Variants in BTBD8 observed in about 807,000 individuals in gnomAD.
The protein encoded by BTBD8 is BTB/POZ domain-containing protein 8.
Under a neutral mutation model 162.9 loss-of-function variants are expected in BTBD8, and 110 were observed. The observed-to-expected ratio is 0.68, with a 90% confidence interval of 0.58 to 0.79. BTBD8 has a LOEUF of 0.79. Ranked by LOEUF, BTBD8 falls within the 30% of genes least tolerant of loss-of-function variation. The pLI, the probability that BTBD8 is intolerant of heterozygous loss-of-function variation, is 0.00. For missense variants in BTBD8, 1,905 were observed against 2,085.4 expected, an observed-to-expected ratio of 0.91 and a Z score of 1.68; for synonymous variants, 667 against 716.1, an observed-to-expected ratio of 0.93 and a Z score of 1.10.
intron 4 of BTBD8, among the ~76,000 whole-genome samples, chr1:92,123,131 G>A (rs1192947611): frequency 6.6e-6 from 1 of 151,872 alleles, no homozygotes; most frequent in African/African-American, 2.4e-5. Flanking sequence ...TTATCTTAAC[G>A]CCCTCATGAA....
At chr1:92,083,106 A>T (rs969744327) in intron 1 of BTBD8, among the ~76,000 whole-genome samples, 3 of 151,522 alleles carry the variant, frequency 2.0e-5, no homozygotes, top group Non-Finnish European at 4.4e-5. Context: ...ACTGCCCTCC[A>T]GTCTGGGCGT....
At chr1:92,173,838 T>C (rs1212727604) in intron 13 of BTBD8, among the ~76,000 whole-genome samples, 1 of 152,220 alleles carries the variant, frequency 6.6e-6, no homozygotes, top group East Asian at 1.9e-4. Flanking sequence ...TAGTAAGTGC[T>C]CAATAAATGT....
At chr1:92,143,088 G>C (rs147823147) in intron 7 of BTBD8, among the ~76,000 whole-genome samples, 1 of 152,158 alleles carries the variant, frequency 6.6e-6, no homozygotes, top group African/African-American at 2.4e-5. Flanking sequence ...AATAACAATA[G>C]TATCCAGAAA....
At position 92,134,017 on chromosome 1, in the gene BTBD8, A is replaced by G. The variant is rs183568980; in HGVS notation, c.752+4241A>G. ...GATCCTAGTTCCATCCATGCCCCAG[A>G]GTTGGGGAGTGGAAGGATATAGTTG... is the stretch of plus-strand genomic sequence containing the variant. On this transcript the variant is annotated intron_variant, in intron 5 of 17. Transcript: ENST00000636805. Among the ~76,000 whole-genome samples, 19 of 152,132 alleles carry G rather than the reference A, an allele frequency of 1.2e-4. No individual in the cohort carries two copies. In the East Asian group the frequency reaches 3.1e-3, roughly 25 times the overall value.
chr1:92,184,151 C>G lies in BTBD8; in HGVS notation c.5200C>G (p.Leu1734Val). 1 of 1,551,626 alleles carries G rather than the reference C, an allele frequency of 6.4e-7. No individual in the cohort carries two copies. Among genetic ancestry groups the G allele is most frequent in the South Asian group, 1.2e-5 (1 of 84,060 alleles). Residue 1734 changes from leucine (L) to valine (V), a missense_variant, in exon 18 of 18, where the codon CTT (leucine) becomes GTT (valine). Around this residue, in one of 3 missense-constraint regions of BTBD8, gnomAD observed 517 missense variants for 606.6 expected, o/e 0.85. Transcript: ENST00000636805. Reference protein sequence around the residue: ...LAQYLINQTLLLARDSSKPQG... With the variant: ...LAQYLINQTLVLARDSSKPQG... ...ACAGTATCTAATCAATCAGACACTA[C>G]TTTTAGCACGAGATAGCTCAAAACC...
At chr1:92,097,632 T>A (rs569178) in intron 2 of BTBD8, among the ~76,000 whole-genome samples, 108,698 of 151,914 alleles carry the variant, frequency 0.72, 39,496 homozygotes, top group East Asian at 0.97. Context: ...ATGGAATCAT[T>A]CAATATATGG....
chr1:92,084,923 C>CAT (rs1648119004), intron 1 of BTBD8, among the ~76,000 whole-genome samples: 1 of 152,212 alleles, frequency 6.6e-6, no homozygotes. Context: ...CACACTCACA[C>CAT]ATATCTTTGT....
In BTBD8 at chr1:92,167,870, C is replaced by A; in HGVS notation, c.1328C>A (p.Ala443Asp). 6.5e-7 allele frequency: 1 copy of A among 1,550,296 alleles called. No individual in the cohort carries two copies. The highest frequency in any genetic ancestry group is 1.2e-5 in the South Asian group (1 of 83,894). Residue 443 changes from alanine (A) to aspartate (D), a missense_variant, in exon 11 of 18, where the codon GCC becomes GAC. Physicochemically the swap from Ala to Asp is moderately radical, Grantham distance 126. Around this residue, in one of 3 missense-constraint regions of BTBD8, gnomAD observed 1,374 missense variants for 1,442.7 expected, o/e 0.95. Coordinates refer to ENST00000636805, the MANE Select transcript of BTBD8 (RefSeq NM_001376131.1). ...LLQSQAMSSTADLLDTILKAI... is the reference protein window; with the variant it reads ...LLQSQAMSSTDDLLDTILKAI... ...TAGTCACAAGCAATGAGCAGCACAGCCGATCTGTTGGACACAATTTTAAAA... is the reference window on the plus strand; with the variant it reads ...TAGTCACAAGCAATGAGCAGCACAGACGATCTGTTGGACACAATTTTAAAA...
At position 92,102,651 on chromosome 1, in the gene BTBD8, G is replaced by A. The variant is rs1432811301; in HGVS notation, c.526G>A (p.Asp176Asn). 1 of 1,485,834 alleles carries A rather than the reference G, an allele frequency of 6.7e-7. No homozygotes were observed. Among genetic ancestry groups the A allele is most frequent in the Non-Finnish European group, 9.0e-7 (1 of 1,114,798 alleles). 92.0% of individuals were successfully genotyped at this position (1,485,834 alleles called of 1,614,324 possible). A position where few individuals can be genotyped will look rare whatever the true frequency, so the allele number is the denominator to read the frequency against. ...EIPEDISDRD[D>N]DFISNDNYDL... ...TCCAGAGGATATCAGTGACAGAGAT[G>A]ATGATTTCATTTCCAATGGTGAGGT... The change falls in exon 3 of 18, where the codon GAT (aspartate) becomes AAT (asparagine). Residue 176 changes from aspartate (D) to asparagine (N), a missense_variant. Transcript: ENST00000636805.
chr1:92,110,786 G>A (rs560710787), intron 4 of BTBD8, among the ~76,000 whole-genome samples: 5 of 152,032 alleles, frequency 3.3e-5, no homozygotes, highest in East Asian at 3.9e-4. Flanking sequence ...CTTGTGATCC[G>A]CCCACCTCGG....
At chr1:92,172,908 G>A (rs1650590440) in intron 13 of BTBD8, among the ~76,000 whole-genome samples, 1 of 152,108 alleles carries the variant, frequency 6.6e-6, no homozygotes. Context: ...AAGTTGGAGA[G>A]TAGCTACACA....
At chr1:92,161,482 A>G (rs538132926) in intron 9 of BTBD8, among the ~76,000 whole-genome samples, 3 of 152,364 alleles carry the variant, frequency 2.0e-5, no homozygotes, top group Admixed American at 6.5e-5. Context: ...AACAGTTCAT[A>G]TGATATTTAT....
intron 3 of BTBD8, among the ~76,000 whole-genome samples, chr1:92,104,155 T>C (rs996573210): frequency 2.6e-5 from 4 of 152,256 alleles, no homozygotes; most frequent in Non-Finnish European, 5.9e-5. Context: ...ATACATGAAT[T>C]GTATTGGATC....
chr1:92,124,753 G>A (rs954956424), intron 4 of BTBD8, among the ~76,000 whole-genome samples: 1 of 152,102 alleles, frequency 6.6e-6, no homozygotes, highest in Non-Finnish European at 1.5e-5. Context: ...TATTTTTAAA[G>A]AATGAATTAA....
intron 4 of BTBD8, among the ~76,000 whole-genome samples, chr1:92,117,985 T>A (rs2101916620): frequency 6.6e-6 from 1 of 152,098 alleles, no homozygotes; most frequent in East Asian, 1.9e-4. Context: ...ATCCTAATTT[T>A]TTCTTAGTTG....
chr1:92,117,046 C>T lies in BTBD8; in HGVS notation c.662+9045C>T, dbSNP rs181908555. Among the ~76,000 whole-genome samples the T allele has an allele frequency of 3.7e-3, 569 of 151,842 alleles. 3 individuals carry two copies. Among genetic ancestry groups the T allele is most frequent in the Admixed American group, 0.01 (153 of 15,272 alleles). ...AAAATTTTTTGTAGAGATGGGTTCT[C>T]GCATTATTGCTCAGGCTGGTCTTGA... is the stretch of plus-strand genomic sequence containing the variant. On this transcript the variant is annotated intron_variant, in intron 4 of 17. Transcript: ENST00000636805.
intron 2 of BTBD8, among the ~76,000 whole-genome samples, 176 bp from the exon 3 acceptor site, chr1:92,102,297 G>T (rs1648611123): frequency 6.6e-6 from 1 of 152,152 alleles, no homozygotes; most frequent in African/African-American, 2.4e-5. Flanking sequence ...GGGATTACAG[G>T]TGTGAACCAC....
At chr1:92,145,363 G>A (rs554986167) in intron 7 of BTBD8, among the ~76,000 whole-genome samples, 247 of 152,222 alleles carry the variant, frequency 1.6e-3, no homozygotes, top group African/African-American at 5.7e-3. Flanking sequence ...GGAAATCACT[G>A]ACCTTACCAG....
Position 92,126,030 on chromosome 1 carries a change from A to G in BTBD8, c.663-3657A>G, listed in dbSNP as rs1570732812. 1.3e-5 allele frequency: 6 copies of G among 478,372 alleles called. No individual in the cohort carries two copies. In the East Asian group the frequency reaches 3.1e-4, roughly 25 times the overall value. The allele number at this position is 478,372 out of a possible 1,614,324, so 29.6% of individuals were successfully genotyped here. ...CCGAGGCAGCTGTAGAAGAATCCAT[A>G]TGGGAAGCACACTGAGAATGTGGAA... On this transcript the variant is annotated intron_variant, in intron 4 of 17. Transcript: ENST00000636805.
Sources: gnomAD v4.1 joint callset for allele counts (sites outside exome capture counted in the v4.1 genomes callset) on GRCh38, gnomAD v4.1.1 for gene constraint, gnomAD v4.1.1 regional missense constraint, MANE v1.5 for transcripts, NCBI Gene and HGNC (gene_info 2026-07-23, HGNC 2026-07-21) for gene names.